KIF21B: variants seen among roughly 807,000 people sequenced by gnomAD.
KIF21B encodes the protein kinesin-like protein KIF21B.
KIF21B carries 85 observed loss-of-function variants against 192.9 expected under a neutral mutation model. That is an observed-to-expected ratio of 0.44 (90% CI 0.37 to 0.53). The LOEUF (loss-of-function observed/expected upper bound fraction) is 0.53, where lower values mean the gene tolerates loss of function less well. Among genes scored for constraint, KIF21B ranks in the 20% least tolerant of loss-of-function variants. KIF21B has a pLI of 0.00. For synonymous variants in KIF21B, 832 were observed against 884.6 expected (o/e 0.94, Z 1.05); for missense variants, 1,716 against 2,194.8 (o/e 0.78, Z 4.36).
At chr1:200,996,960 C>T (rs559328290) in intron 14 of KIF21B, among the ~76,000 whole-genome samples, 1 of 152,256 alleles carries the variant, frequency 6.6e-6, no homozygotes, top group East Asian at 1.9e-4. Context: ...ATCCTTGGCT[C>T]CCCTCTCCCT....
At chr1:200,985,460 C>A (rs1656220323) in intron 26 of KIF21B, among the ~76,000 whole-genome samples, 1 of 152,266 alleles carries the variant, frequency 6.6e-6, no homozygotes, top group South Asian at 2.1e-4. Flanking sequence ...TATACTCCAG[C>A]CTGGGTGATG....
At chr1:200,983,313 T>C (rs1656070401) in intron 27 of KIF21B, among the ~76,000 whole-genome samples, 1 of 151,266 alleles carries the variant, frequency 6.6e-6, no homozygotes, top group African/African-American at 2.4e-5. Flanking sequence ...GCTGCCAGGG[T>C]CTCTCGGCTG....
Position 200,970,202 on chromosome 1 carries a change from T to C in KIF21B, c.*3319A>G, listed in dbSNP as rs2102356287. On this transcript the variant is annotated 3_prime_UTR_variant, in exon 35 of 35. Coordinates refer to ENST00000461742, the MANE Select transcript of KIF21B (RefSeq NM_001252102.2). Reference sequence around the variant, plus strand: ...CCCTAACGTCACTGCAGCCACCTGCTGGTGTCTCCCTCCACCACATCAGGC... The same window carrying C: ...CCCTAACGTCACTGCAGCCACCTGCCGGTGTCTCCCTCCACCACATCAGGC... The C allele has an allele frequency of 6.5e-6, 1 of 153,040 alleles. No homozygotes were observed. Among genetic ancestry groups the C allele is most frequent in the Middle Eastern group, 3.4e-3 (1 of 296 alleles). 9.5% of individuals were successfully genotyped at this position (153,040 alleles called of 1,614,324 possible).
In KIF21B at chr1:201,003,592, A is replaced by G. The variant is rs1185661673; in HGVS notation, c.1206T>C (p.Tyr402=). Residue 402 remains tyrosine (Y), a synonymous_variant, in exon 8 of 35, where the codon TAT becomes TAC. Transcript: ENST00000461742. ...TGCCCAGGAGCATGCTCACCGCCTT[A>G]TACTCCATCAGCTCCATCTGCAGCC... The part of the protein sequence containing the change: ...IARLQMELME[Y]KAGKRVIGED... The G allele has an allele frequency of 2.2e-5, 35 of 1,613,562 alleles. No individual in the cohort carries two copies. The highest frequency in any genetic ancestry group is 2.7e-5 in the Non-Finnish European group (32 of 1,180,040).
chr1:201,009,610 C>T, intron 1 of KIF21B, 122 bp from the exon 2 acceptor site: 1 of 922,290 alleles, frequency 1.1e-6, no homozygotes, highest in Non-Finnish European at 1.6e-6. Flanking sequence ...AGGAAGGAAG[C>T]TTAGGTGACC....
At position 200,990,850 on chromosome 1, in the gene KIF21B, C is replaced by T. The variant is rs1326242656; in HGVS notation, c.2687+67G>A. The T allele has an allele frequency of 6.2e-7, 1 of 1,602,724 alleles. No homozygotes were observed. Among genetic ancestry groups the T allele is most frequent in the Non-Finnish European group, 8.5e-7 (1 of 1,171,330 alleles). ...TCCCCAGAGCTTCCCTCTTCCTCAC[C>T]CTGGCCCTGCCCCATATTCCCACCC... On this transcript the variant is annotated intron_variant, in intron 18 of 34. Transcript: ENST00000461742. The surrounding 1 kb of genome is among the most constrained non-coding windows in gnomAD (Gnocchi z 5.4).
chr1:201,007,869 TACAA>T (rs1406365313), intron 3 of KIF21B, among the ~76,000 whole-genome samples: 1 of 151,970 alleles, frequency 6.6e-6, no homozygotes, highest in African/African-American at 2.4e-5. Context: ...CACACACAGA[TACAA>T]ACACACAGTC....
intron 17 of KIF21B, among the ~76,000 whole-genome samples, chr1:200,991,444 C>T (rs1335508473): frequency 6.6e-6 from 1 of 152,252 alleles, no homozygotes; most frequent in Non-Finnish European, 1.5e-5. Context: ...ACAATTTGGA[C>T]ACCAAATATG....
rs1395543426 is a variant in KIF21B, at chr1:200,975,666, A to T, written c.4447T>A (p.Phe1483Ile). Residue 1483 changes from phenylalanine (F) to isoleucine (I), a missense_variant, in exon 33 of 35, where the codon TTC (phenylalanine) becomes ATC (isoleucine). Transcript: ENST00000461742. The surrounding 1 kb of genome is among the most constrained non-coding windows in gnomAD (Gnocchi z 4.3). ...TGSKDHYVKM[F>I]ELGECVTGTI... ...CCCGTCACACACTCGCCCAGCTCGA[A>T]CATCTGTGGGAGGAGGGGCCAGTAG... 1 of 1,607,864 alleles carries T rather than the reference A, an allele frequency of 6.2e-7. No homozygotes were observed. The highest frequency in any genetic ancestry group is 1.3e-5 in the African/African-American group (1 of 74,846).
rs573750055 is a variant in KIF21B, at chr1:201,008,115, T to C, written c.447+654A>G. Among the ~76,000 whole-genome samples, 3 of 152,264 alleles carry C rather than the reference T, an allele frequency of 2.0e-5. No homozygotes were observed. In the East Asian group the frequency reaches 5.8e-4, roughly 29 times the overall value. On this transcript the variant is annotated intron_variant, in intron 3 of 34. Coordinates refer to ENST00000461742, the MANE Select transcript of KIF21B (RefSeq NM_001252102.2). ...GACACAATCAGAGCAGCAGGGTTTA[T>C]GGGATAAGTGCCCTTACTGAGTGGG...
intron 1 of KIF21B, among the ~76,000 whole-genome samples, chr1:201,016,022 T>C (rs1166456006): frequency 1.3e-5 from 2 of 152,200 alleles, no homozygotes; most frequent in Admixed American, 6.5e-5. Context: ...CCAAGCTCCT[T>C]TATGTACACG....
In KIF21B at chr1:200,982,073, C is replaced by T. The variant is rs1233659670; in HGVS notation, c.3843-977G>A. Among the ~76,000 whole-genome samples the T allele has an allele frequency of 6.6e-6, 1 of 152,156 alleles. No homozygotes were observed. The highest frequency in any genetic ancestry group is 2.4e-5 in the African/African-American group (1 of 41,436). On this transcript the variant is annotated intron_variant, in intron 28 of 34. Coordinates refer to ENST00000461742, the MANE Select transcript of KIF21B (RefSeq NM_001252102.2). This position sits in a 1 kb window ranked among gnomAD's most constrained non-coding sequence, Gnocchi z 4.7. ...CTGTGGCGCTTCTGGCACAGCTCCC[C>T]CCAGACTCTGCCAGGCCCACCCTTG...
chr1:201,004,573 C>T, intron 6 of KIF21B, 118 bp from the exon 7 acceptor site: 1 of 1,145,376 alleles, frequency 8.7e-7, no homozygotes, highest in Non-Finnish European at 1.3e-6. Flanking sequence ...CCTCTTGCTC[C>T]TTGGGTGGGT....
At chr1:200,985,253 C>T (rs971168021) in intron 26 of KIF21B, among the ~76,000 whole-genome samples, 7 of 151,996 alleles carry the variant, frequency 4.6e-5, no homozygotes, top group African/African-American at 1.7e-4. Flanking sequence ...ATTGAAAGGC[C>T]GAGGTGGGAG....
chr1:201,008,371 G>A (rs1034739984), intron 3 of KIF21B, among the ~76,000 whole-genome samples: 11 of 152,146 alleles, frequency 7.2e-5, no homozygotes, highest in African/African-American at 1.7e-4. Flanking sequence ...GAGGCTGAGG[G>A]GGAACCCAGA....
intron 15 of KIF21B, among the ~76,000 whole-genome samples, 157 bp downstream of exon 15, chr1:200,996,039 C>T (rs555188937): frequency 1.1e-4 from 17 of 152,248 alleles, no homozygotes; most frequent in African/African-American, 3.4e-4. Context: ...CTAAGAGGAC[C>T]GTGTCAAGGG....
chr1:200,980,857 TGG>T, intron 29 of KIF21B, 101 bp downstream of exon 29: 1 of 1,437,336 alleles, frequency 7.0e-7, no homozygotes, highest in Non-Finnish European at 9.4e-7. Context: ...CCTCAACTCC[TGG>T]GGGCTCTATG....
At position 201,000,823 on chromosome 1, in the gene KIF21B, A is replaced by T; in HGVS notation, c.1403-43T>A. ...GAAGAAGGGTGCGATAAAGAAGATAAATAGGCCAGCGCGGTGGCTCAGACC... is the reference window on the plus strand; with the variant it reads ...GAAGAAGGGTGCGATAAAGAAGATATATAGGCCAGCGCGGTGGCTCAGACC... On this transcript the variant is annotated intron_variant, in intron 9 of 34. Transcript: ENST00000461742. The surrounding 1 kb of genome is among the most constrained non-coding windows in gnomAD (Gnocchi z 6.0). 6.2e-7 allele frequency: 1 copy of T among 1,605,494 alleles called. No individual in the cohort carries two copies. The highest frequency in any genetic ancestry group is 1.3e-5 in the African/African-American group (1 of 74,652).
Position 201,023,426 on chromosome 1 carries a change from G to A in KIF21B, c.-43C>T. 5 of 1,375,764 alleles carry A rather than the reference G, an allele frequency of 3.6e-6. No individual in the cohort carries two copies. Among genetic ancestry groups the A allele is most frequent in the East Asian group, 3.1e-5 (1 of 32,540 alleles). The allele number at this position is 1,375,764 out of a possible 1,614,324, so 85.2% of individuals were successfully genotyped here. On this transcript the variant is annotated 5_prime_UTR_variant, in exon 1 of 35. Coordinates refer to ENST00000461742, the MANE Select transcript of KIF21B (RefSeq NM_001252102.2). This position sits in a 1 kb window ranked among gnomAD's most constrained non-coding sequence, Gnocchi z 5.9. ...GTCTGGGCGTGGATCAGAGGCGGGG[G>A]TCTGGGGGCCAATGCCCGAGGCAGC...
Sources: allele counts gnomAD v4.1 joint callset (sites outside exome capture counted in the v4.1 genomes callset), GRCh38; gene constraint gnomAD v4.1.1; non-coding constraint Gnocchi (gnomAD v3.1); transcripts MANE v1.5; gene names NCBI Gene and HGNC (gene_info 2026-07-23, HGNC 2026-07-21).